Variants in TBC1D23 observed in about 807,000 individuals in gnomAD.
TBC1D23 encodes TBC1 domain family member 23.
A neutral mutation model predicts 91.4 loss-of-function variants in TBC1D23; 55 were observed. That is an observed-to-expected ratio of 0.60 (90% CI 0.48 to 0.75). The LOEUF is 0.75. Among genes scored for constraint, TBC1D23 ranks in the 30% least tolerant of loss-of-function variants. The pLI, the probability that TBC1D23 is intolerant of heterozygous loss-of-function variation, is 0.00. For missense variants in TBC1D23, 725 were observed against 836.1 expected, an observed-to-expected ratio of 0.87 and a Z score of 1.64; for synonymous variants, 289 against 281.0, an observed-to-expected ratio of 1.03 and a Z score of -0.28.
At chr3:100,297,236 G>C (rs1366707097) in intron 8 of TBC1D23, among the ~76,000 whole-genome samples, 4 of 152,132 alleles carry the variant, frequency 2.6e-5, no homozygotes, top group Non-Finnish European at 5.9e-5. Flanking sequence ...TGTCACTGAA[G>C]TGTCAAGATA....
chr3:100,289,790 G>A (rs2067774550), intron 4 of TBC1D23, among the ~76,000 whole-genome samples: 1 of 152,156 alleles, frequency 6.6e-6, no homozygotes, highest in Admixed American at 6.5e-5. Flanking sequence ...GGGTACGTGT[G>A]CAGGTTTGTT....
In TBC1D23 at chr3:100,261,178, G is replaced by A. The variant is rs78998355; in HGVS notation, c.53+107G>A. On this transcript the variant is annotated intron_variant, in intron 1 of 18. Transcript: ENST00000394144. ...GCGTCGGCATGGAACGGAGAGGCCG[G>A]TCCTAGGCGAAGTCCGGTGCCCTGC... 933 of 1,144,936 alleles carry A rather than the reference G, an allele frequency of 8.1e-4. 3 individuals carry two copies. The African/African-American group carries it at 0.013, about 16-fold the overall frequency. 70.9% of individuals were successfully genotyped at this position (1,144,936 alleles called of 1,614,324 possible).
rs2067594991 is a variant in TBC1D23 at position 100,271,009 on chromosome 3, A to G, written c.54-8640A>G. 2.0e-5 allele frequency among the ~76,000 whole-genome samples: 3 copies of G among 152,170 alleles called. 1 individual carries two copies. The highest frequency in any genetic ancestry group is 2.0e-4 in the Admixed American group (3 of 15,272). Reference sequence around the variant, plus strand: ...TTTTATAATTACAGAAAAGGATTCAATTTTAAGAATTTTGAAGATTAGTGA... The same window carrying G: ...TTTTATAATTACAGAAAAGGATTCAGTTTTAAGAATTTTGAAGATTAGTGA... On this transcript the variant is annotated intron_variant, in intron 1 of 18. Coordinates refer to ENST00000394144, the MANE Select transcript of TBC1D23 (RefSeq NM_001199198.3).
intron 11 of TBC1D23, 67 bp from the exon 12 acceptor site, chr3:100,304,779 T>C: frequency 1.3e-6 from 1 of 798,788 alleles, no homozygotes; most frequent in Non-Finnish European, 2.2e-6. Flanking sequence ...ATCAGTGTTT[T>C]AGAACTAGCT....
intron 10 of TBC1D23, among the ~76,000 whole-genome samples, chr3:100,299,948 C>G (rs1045446344): frequency 2.1e-5 from 3 of 144,766 alleles, no homozygotes; most frequent in Non-Finnish European, 4.6e-5. Flanking sequence ...GTGCACTGCA[C>G]CTACTAAGTA....
In TBC1D23 at chr3:100,283,651, G is replaced by T. The variant is rs1201739442; in HGVS notation, c.316G>T (p.Asp106Tyr). The T allele has an allele frequency of 1.2e-6, 2 of 1,613,710 alleles. No individual in the cohort carries two copies. The highest frequency in any genetic ancestry group is 1.7e-6 in the Non-Finnish European group (2 of 1,179,812). Residue 106 changes from aspartate to tyrosine, a missense_variant, in exon 4 of 19, where the codon GAT becomes TAT. Transcript: ENST00000394144. ...PEEKAAELLL[D>Y]IESVITFYCK... The stretch of plus-strand genomic sequence containing the variant: ...GGAGAAGGCAGCAGAATTACTTTTG[G>T]ATATTGAATCTGTAATTACCTTTTA...
chr3:100,270,097 A>C (rs1005644985), intron 1 of TBC1D23, among the ~76,000 whole-genome samples: 4 of 152,226 alleles, frequency 2.6e-5, no homozygotes, highest in Non-Finnish European at 4.4e-5. Flanking sequence ...TTTAGATGAT[A>C]GGACTTGGAC....
intron 14 of TBC1D23, among the ~76,000 whole-genome samples, chr3:100,311,517 C>T (rs971409375): frequency 2.0e-5 from 3 of 152,058 alleles, no homozygotes; most frequent in Admixed American, 6.5e-5. Context: ...AAAAGCTAAC[C>T]CTTTTACCTT....
intron 4 of TBC1D23, among the ~76,000 whole-genome samples, chr3:100,287,868 C>T (rs914214441): frequency 1.3e-5 from 2 of 151,828 alleles, no homozygotes; most frequent in Non-Finnish European, 2.9e-5. Flanking sequence ...ATCCTCCCTC[C>T]TCAGCCTCCT....
intron 13 of TBC1D23, 22 bp downstream of exon 13, chr3:100,306,565 G>C (rs1371198644): frequency 4.2e-6 from 6 of 1,432,974 alleles, no homozygotes; most frequent in Non-Finnish European, 5.9e-6. Context: ...TAGAGAATAT[G>C]TTACCGGATT....
At chr3:100,293,102 A>ATTGTTTGTTTGT (rs764256850) in intron 5 of TBC1D23, among the ~76,000 whole-genome samples, 2 of 114,266 alleles carry the variant, frequency 1.8e-5, no homozygotes, top group East Asian at 2.9e-4. Context: ...GATATGCCAG[A>ATTGTTTGTTTGT]TAGTTTGTTT....
intron 14 of TBC1D23, 89 bp downstream of exon 14, chr3:100,310,631 A>T (rs1705609837): frequency 2.0e-6 from 2 of 1,012,956 alleles, no homozygotes; most frequent in South Asian, 1.9e-5. Flanking sequence ...GTTGAATTTA[A>T]TGTGTTCCAG....
chr3:100,265,087 A>T (rs1160730594), intron 1 of TBC1D23, among the ~76,000 whole-genome samples: 1 of 152,228 alleles, frequency 6.6e-6, no homozygotes, highest in Non-Finnish European at 1.5e-5. Flanking sequence ...CTTACATGTT[A>T]TACTAAAATA....
At chr3:100,320,514 T>C (rs1225028328) in intron 17 of TBC1D23, among the ~76,000 whole-genome samples, 1 of 152,154 alleles carries the variant, frequency 6.6e-6, no homozygotes, top group African/African-American at 2.4e-5. Flanking sequence ...TAGTGATTTC[T>C]ATGTTGTATG....
intron 9 of TBC1D23, 119 bp from the exon 10 acceptor site, chr3:100,299,120 C>T (rs1705367746): frequency 1.7e-6 from 1 of 577,506 alleles, no homozygotes; most frequent in African/African-American, 1.9e-5. Flanking sequence ...CTCCCAATTC[C>T]ATGTGAGATC....
chr3:100,265,877 A>G (rs1478465211), intron 1 of TBC1D23, among the ~76,000 whole-genome samples: 2 of 152,196 alleles, frequency 1.3e-5, no homozygotes, highest in African/African-American at 2.4e-5. Flanking sequence ...AATATTTTTC[A>G]AAGTTTTCTG....
chr3:100,265,602 ACTTT>A (rs1169990865), intron 1 of TBC1D23, among the ~76,000 whole-genome samples: 1 of 152,198 alleles, frequency 6.6e-6, no homozygotes, highest in Non-Finnish European at 1.5e-5. Context: ...ATTTTCCGAT[ACTTT>A]CTTCCCAAAA....
At chr3:100,314,113 T>TTTTG in intron 15 of TBC1D23, among the ~76,000 whole-genome samples, 1 of 146,460 alleles carries the variant, frequency 6.8e-6, no homozygotes, top group Non-Finnish European at 1.5e-5. Context: ...TTTTTTTTTT[T>TTTTG]TTTGTGACCG....
chr3:100,301,977 A>T, intron 10 of TBC1D23, 90 bp from the exon 11 acceptor site: 1 of 874,696 alleles, frequency 1.1e-6, no homozygotes, highest in Non-Finnish European at 1.8e-6. Context: ...CTCTTTAAAT[A>T]TTGGGGTTTT....
Sources: gnomAD v4.1 joint callset for allele counts (sites outside exome capture counted in the v4.1 genomes callset) on GRCh38, gnomAD v4.1.1 for gene constraint, MANE v1.5 for transcripts, NCBI Gene and HGNC (gene_info 2026-07-23, HGNC 2026-07-21) for gene names.